Variants in TMED6 observed in about 807,000 individuals in gnomAD.
TMED6 encodes transmembrane p24 trafficking protein 6.
In TMED6, 17 loss-of-function variants were observed where a neutral mutation model predicts 26.5. That is an observed-to-expected ratio of 0.64 (90% CI 0.44 to 0.96). The LOEUF (loss-of-function observed/expected upper bound fraction) is 0.96. Ranked by LOEUF, TMED6 falls within the 40% of genes least tolerant of loss-of-function variation. The probability of loss-of-function intolerance (pLI) is 0.00; values close to 1 mark genes in which losing one functional copy is unlikely to be tolerated. For missense variants in TMED6, 309 were observed against 296.5 expected, an observed-to-expected ratio of 1.04 and a Z score of -0.31; for synonymous variants, 107 against 106.2, an observed-to-expected ratio of 1.01 and a Z score of -0.04.
chr16:69,343,762 A>G, intron 3 of TMED6, 122 bp from the exon 4 acceptor site: 1 of 739,030 alleles, frequency 1.4e-6, no homozygotes, highest in Admixed American at 2.5e-5. Flanking sequence ...AAGATGTACA[A>G]TACAATGATA....
chr16:69,348,767 A>G (rs1050565666), intron 2 of TMED6, among the ~76,000 whole-genome samples: 3 of 152,164 alleles, frequency 2.0e-5, no homozygotes, highest in Non-Finnish European at 1.5e-5. Flanking sequence ...GGCGCCTGCC[A>G]CCACACCCAG....
chr16:69,349,401 GT>G, intron 2 of TMED6, 123 bp downstream of exon 2: 19 of 1,229,704 alleles, frequency 1.5e-5, no homozygotes, highest in Non-Finnish European at 2.0e-5. Flanking sequence ...AGGAACACTG[GT>G]TTTTGGTGTT....
chr16:69,350,725 C>T (rs1288957477), intron 1 of TMED6, among the ~76,000 whole-genome samples: 1 of 152,172 alleles, frequency 6.6e-6, no homozygotes, highest in Non-Finnish European at 1.5e-5. Flanking sequence ...TGCTCCCAAG[C>T]TAGATCTTGA....
chr16:69,345,013 C>T (rs151283199), intron 3 of TMED6, among the ~76,000 whole-genome samples: 15 of 152,138 alleles, frequency 9.9e-5, no homozygotes, highest in African/African-American at 3.4e-4. Context: ...CACTTGAACC[C>T]GGGAGGCGGA....
rs993862034 is a variant in TMED6 at position 69,343,774 on chromosome 16, T to C, written c.490-134A>G. 8.3e-6 allele frequency: 6 copies of C among 720,440 alleles called. No homozygotes were observed. The African/African-American group carries it at 1.1e-4, about 13-fold the overall frequency. 44.6% of individuals were successfully genotyped at this position (720,440 alleles called of 1,614,324 possible). On this transcript the variant is annotated intron_variant, in intron 3 of 3. Transcript: ENST00000288025. Reference sequence around the variant, plus strand: ...TTTAAGATGTACAATACAATGATAGTTGTTAAATGTTGTGTTTGCTATGTA... The same window carrying C: ...TTTAAGATGTACAATACAATGATAGCTGTTAAATGTTGTGTTTGCTATGTA...
rs766394942 is a variant in TMED6, at chr16:69,351,717, G to C, written c.37C>G (p.Leu13Val). 3 of 1,613,570 alleles carry C rather than the reference G, an allele frequency of 1.9e-6. No homozygotes were observed. The highest frequency in any genetic ancestry group is 1.7e-5 in the Admixed American group (1 of 59,980). ...CTCCTGGCAGACGTCACTAGATTCA[G>C]AACGACCAGCCCAGCCCCAAAGAGC... ...PLLFGAGLVV[L>V]NLVTSARSQK... The change falls in exon 1 of 4, where the codon CTG becomes GTG. Residue 13 changes from leucine to valine, a missense_variant. Leu to Val is a conservative substitution (Grantham distance 32, BLOSUM62 1). Transcript: ENST00000288025.
chr16:69,346,571 T>C (rs2012689888), intron 3 of TMED6, among the ~76,000 whole-genome samples: 1 of 151,988 alleles, frequency 6.6e-6, no homozygotes, highest in Admixed American at 6.6e-5. Flanking sequence ...TGAGACCAGC[T>C]TGGCCAACAT....
At position 69,351,556 on chromosome 16, in the gene TMED6, G is replaced by C. The variant is rs978121863; in HGVS notation, c.198C>G (p.Phe66Leu). 1 of 1,614,064 alleles carries C rather than the reference G, an allele frequency of 6.2e-7. No homozygotes were observed. The highest frequency in any genetic ancestry group is 8.5e-7 in the Non-Finnish European group (1 of 1,179,996). Residue 66 changes from phenylalanine to leucine, a missense_variant, in exon 1 of 4, where the codon TTC (phenylalanine) becomes TTG (leucine). Phe to Leu is a conservative substitution (Grantham distance 22, BLOSUM62 0). Coordinates refer to ENST00000288025, the MANE Select transcript of TMED6 (RefSeq NM_144676.4). ...ACCCACATACCTCGTAACTGAAATA[G>C]AAGTATCCAGTCTGGTGGGCAAATT... is the stretch of plus-strand genomic sequence containing the variant. ...FWQFAHQTGYFYFSYEVQRTV... is the reference protein window; with the variant it reads ...FWQFAHQTGYLYFSYEVQRTV...
At chr16:69,350,257 G>A (rs2012754378) in intron 1 of TMED6, among the ~76,000 whole-genome samples, 1 of 141,574 alleles carries the variant, frequency 7.1e-6, no homozygotes, top group Admixed American at 7.1e-5. Context: ...GAGCGACAGA[G>A]CAACACTCTG....
chr16:69,347,756 A>G, intron 3 of TMED6, 32 bp downstream of exon 3: 2 of 1,611,732 alleles, frequency 1.2e-6, no homozygotes, highest in Non-Finnish European at 1.7e-6. Flanking sequence ...CAGTTTCCAC[A>G]GATGTTTCTC....
At position 69,347,858 on chromosome 16, in the gene TMED6, T is replaced by C. The variant is rs560632544; in HGVS notation, c.419A>G (p.Tyr140Cys). 7.4e-6 allele frequency: 12 copies of C among 1,614,174 alleles called. No homozygotes were observed. The African/African-American group carries it at 1.1e-4, about 14-fold the overall frequency. Residue 140 changes from tyrosine to cysteine, a missense_variant, in exon 3 of 4, where the codon TAT becomes TGT. By Grantham distance (194) the Tyr-to-Cys change is radical. Coordinates refer to ENST00000288025, the MANE Select transcript of TMED6 (RefSeq NM_144676.4). ...VQVYLNFGVF[Y>C]EGPETDHKQK... ...TTTGTGATCAGTCTCAGGCCCCTCA[T>C]AGAAGACCCCAAAGTTGAGGTACAC...
intron 3 of TMED6, among the ~76,000 whole-genome samples, chr16:69,346,125 G>GT (rs2012683157): frequency 6.6e-6 from 1 of 152,198 alleles, no homozygotes; most frequent in African/African-American, 2.4e-5. Flanking sequence ...TAGGATGACT[G>GT]TAACAAAAAA....
intron 1 of TMED6, among the ~76,000 whole-genome samples, chr16:69,350,485 A>C (rs909815350): frequency 8.6e-5 from 13 of 151,884 alleles, no homozygotes; most frequent in Non-Finnish European, 1.9e-4. Context: ...TTTTTAGTAG[A>C]GATGCGTTTT....
At position 69,343,359 on chromosome 16, in the gene TMED6, C is replaced by T. The variant is rs369380751; in HGVS notation, c.*48G>A. On this transcript the variant is annotated 3_prime_UTR_variant, in exon 4 of 4. Transcript: ENST00000288025. ...GTCCCATAACATTACAAAGCTGATT[C>T]GACTAAGCCCCAGAAGAAAACAGCC... The T allele has an allele frequency of 8.6e-6, 13 of 1,503,712 alleles. No individual in the cohort carries two copies. Among genetic ancestry groups the T allele is most frequent in the Admixed American group, 5.7e-5 (3 of 52,530 alleles). The allele number at this position is 1,503,712 out of a possible 1,614,324, so 93.1% of individuals were successfully genotyped here. A position where few individuals can be genotyped will look rare whatever the true frequency, so the allele number is the denominator to read the frequency against.
Position 69,351,768 on chromosome 16 carries a change from C to G in TMED6, c.-15G>C, listed in dbSNP as rs779546450. On this transcript the variant is annotated 5_prime_UTR_variant, in exon 1 of 4. Coordinates refer to ENST00000288025, the MANE Select transcript of TMED6 (RefSeq NM_144676.4). ...AAAGGGGACATGCCGCTTTCTGGAG[C>G]CTCCTCTGCAGGTGAACTGCTCGCA... 1.2e-6 allele frequency: 2 copies of G among 1,610,108 alleles called. No homozygotes were observed. Among genetic ancestry groups the G allele is most frequent in the Non-Finnish European group, 1.7e-6 (2 of 1,178,352 alleles).
rs2012780497 is a variant in TMED6, at chr16:69,351,727, C to T, written c.27G>A (p.Gly9=). The change falls in exon 1 of 4, where the codon GGG becomes GGA. Residue 9 remains glycine (G), a synonymous_variant. Transcript: ENST00000288025. MSPLLFGA[G]LVVLNLVTSA... Reference sequence around the variant, plus strand: ...ACGTCACTAGATTCAGAACGACCAGCCCAGCCCCAAAGAGCAAAGGGGACA... The same window carrying T: ...ACGTCACTAGATTCAGAACGACCAGTCCAGCCCCAAAGAGCAAAGGGGACA... 6.2e-7 allele frequency: 1 copy of T among 1,613,276 alleles called. No individual in the cohort carries two copies. The highest frequency in any genetic ancestry group is 1.1e-5 in the South Asian group (1 of 91,038).
chr16:69,347,507 G>A (rs950453854), intron 3 of TMED6, among the ~76,000 whole-genome samples: 13 of 151,982 alleles, frequency 8.6e-5, no homozygotes, highest in Non-Finnish European at 1.3e-4. Context: ...TTACAGGTGC[G>A]CACCACCACG....
At chr16:69,349,723 G>C in intron 1 of TMED6, 72 bp from the exon 2 acceptor site, 1 of 1,565,772 alleles carries the variant, frequency 6.4e-7, no homozygotes, top group Non-Finnish European at 8.7e-7. Flanking sequence ...TGGTAAGATT[G>C]ACGTCCCACG....
At chr16:69,344,903 A>G (rs2012658801) in intron 3 of TMED6, among the ~76,000 whole-genome samples, 2 of 151,536 alleles carry the variant, frequency 1.3e-5, no homozygotes, top group South Asian at 4.2e-4. Context: ...AGCCTGGCCA[A>G]CATAGTGATA....
Sources: gnomAD v4.1 joint callset for allele counts (sites outside exome capture counted in the v4.1 genomes callset) on GRCh38, gnomAD v4.1.1 for gene constraint, MANE v1.5 for transcripts, NCBI Gene and HGNC (gene_info 2026-07-23, HGNC 2026-07-21) for gene names.